Variants in STIM2 observed in about 807,000 individuals in gnomAD.
The protein encoded by STIM2 is stromal interaction molecule 2.
A neutral mutation model predicts 85.8 loss-of-function variants in STIM2; 31 were observed. The ratio of observed to expected loss-of-function variants is 0.36; its 90% confidence interval spans 0.27 to 0.49. STIM2 has a LOEUF of 0.49. Ranked by LOEUF, STIM2 falls within the 20% of genes least tolerant of loss-of-function variation. The pLI is 0.98. For synonymous variants in STIM2, 356 were observed against 331.1 expected (o/e 1.08, Z -0.82); for missense variants, 841 against 927.6 (o/e 0.91, Z 1.21).
At chr4:27,010,516 A>T (rs979959859) in intron 10 of STIM2, among the ~76,000 whole-genome samples, 1 of 152,184 alleles carries the variant, frequency 6.6e-6, no homozygotes, top group Non-Finnish European at 1.5e-5. Flanking sequence ...AAAGATTACA[A>T]TTTGAGAGCT....
chr4:26,988,591 G>C (rs1278627678), intron 3 of STIM2, among the ~76,000 whole-genome samples: 1 of 152,146 alleles, frequency 6.6e-6, no homozygotes, highest in Non-Finnish European at 1.5e-5. Context: ...AACAACTCTA[G>C]AAACAGGTTT....
chr4:26,887,622 T>C (rs1723307991), intron 1 of STIM2, among the ~76,000 whole-genome samples: 1 of 152,212 alleles, frequency 6.6e-6, no homozygotes, highest in South Asian at 2.1e-4. Context: ...AAAGAGTGGC[T>C]ATTTTTTCTC....
rs77672993 is a variant in STIM2, at chr4:26,901,990, C to T, written c.152-17514C>T. Among the ~76,000 whole-genome samples the T allele has an allele frequency of 5.8e-3, 890 of 152,234 alleles. 17 individuals are homozygous for T. The highest frequency in any genetic ancestry group is 0.02 in the African/African-American group (846 of 41,538). ...ATGGCTTTATAGAGTGAATCAATGG[C>T]GAAGTGATTCTTCAGGGATCACAGT... On this transcript the variant is annotated intron_variant, in intron 1 of 11. Transcript: ENST00000467087.
rs150222188 is a variant in STIM2 at position 27,017,823 on chromosome 4, C to T, written c.1602C>T (p.His534=). ...CTCAGCGAGCTCAGCTTGCTCCACA[C>T]GCCCCCCACCCGTCACACCCTCGGC... Residue 534 remains histidine, a synonymous_variant, in exon 11 of 12, where the codon CAC becomes CAT. Coordinates refer to ENST00000467087, the MANE Select transcript of STIM2 (RefSeq NM_020860.4). 5.9e-5 allele frequency: 95 copies of T among 1,614,146 alleles called. No individual in the cohort carries two copies. In the African/African-American group the frequency reaches 9.5e-4, roughly 16 times the overall value.
In STIM2 at chr4:26,962,559, AGTGTGTGTGTGTGTGTGTGT is replaced by A. The variant is rs34301656; in HGVS notation, c.397+4856_397+4875del. On this transcript the variant is annotated intron_variant, in intron 3 of 11. Coordinates refer to ENST00000467087, the MANE Select transcript of STIM2 (RefSeq NM_020860.4). ...AGAATTTCAGCAATGACTTTAATGC[AGTGTGTGTGTGTGTGTGTGT>A]GTGTGTGTGTGTGTGTGTGTGTATG... 9.1e-5 allele frequency among the ~76,000 whole-genome samples: 13 copies of A among 142,720 alleles called. No homozygotes were observed. In the South Asian group the frequency reaches 2.1e-3, roughly 23 times the overall value. 93.6% of individuals were successfully genotyped at this position (142,720 alleles called of 152,430 possible). A position where few individuals can be genotyped will look rare whatever the true frequency, so the allele number is the denominator to read the frequency against.
intron 1 of STIM2, among the ~76,000 whole-genome samples, chr4:26,911,623 G>C (rs75479595): frequency 5.3e-5 from 8 of 152,140 alleles, no homozygotes; most frequent in African/African-American, 1.9e-4. Context: ...ATTATCTAGA[G>C]TCTTCTTCCT....
chr4:26,960,724 C>T (rs1033563624), intron 3 of STIM2, among the ~76,000 whole-genome samples: 12 of 152,136 alleles, frequency 7.9e-5, no homozygotes, highest in African/African-American at 2.9e-4. Context: ...GGAGATTACT[C>T]AAAACCTGTA....
chr4:26,981,511 G>A (rs1246936667), intron 3 of STIM2, among the ~76,000 whole-genome samples: 2 of 151,994 alleles, frequency 1.3e-5, no homozygotes, highest in Non-Finnish European at 2.9e-5. Flanking sequence ...AAAGTTGCAG[G>A]ACCAGAGCAA....
At chr4:27,007,470 A>C (rs1220929078) in intron 7 of STIM2, 63 bp from the exon 8 acceptor site, 4 of 1,252,698 alleles carry the variant, frequency 3.2e-6, no homozygotes, top group Non-Finnish European at 4.2e-6. Flanking sequence ...GGGTTCTAAA[A>C]AATATTTTAA....
At chr4:26,942,255 TG>T (rs559080943) in intron 2 of STIM2, among the ~76,000 whole-genome samples, 8 of 152,304 alleles carry the variant, frequency 5.3e-5, no homozygotes, top group African/African-American at 1.9e-4. Flanking sequence ...TCTTTACCTG[TG>T]TACTTGATCT....
At chr4:26,862,344 A>G (rs1179755458) in intron 1 of STIM2, among the ~76,000 whole-genome samples, 1 of 144,836 alleles carries the variant, frequency 6.9e-6, no homozygotes, top group Admixed American at 6.9e-5. Flanking sequence ...TTAGTATTTC[A>G]CTTATTTTTA....
chr4:26,973,874 A>G (rs1338641685), intron 3 of STIM2, among the ~76,000 whole-genome samples: 6 of 152,176 alleles, frequency 3.9e-5, no homozygotes, highest in African/African-American at 1.4e-4. Context: ...TGGGAGTCTA[A>G]GTCTCTTTGT....
In STIM2 at chr4:26,860,969, C is replaced by T. The variant is rs779940631; in HGVS notation, c.-250C>T. The T allele has an allele frequency of 1.6e-5, 20 of 1,268,834 alleles. No homozygotes were observed. Among genetic ancestry groups the T allele is most frequent in the South Asian group, 2.9e-5 (2 of 69,072 alleles). 78.6% of individuals were successfully genotyped at this position (1,268,834 alleles called of 1,614,324 possible). On this transcript the variant is annotated 5_prime_UTR_variant, in exon 1 of 12. Transcript: ENST00000467087. Reference sequence around the variant, plus strand: ...AATAACCGGAACCAATGAACGCAGCCGGGATCAGAGCTCCGGAGGCCGCCG... The same window carrying T: ...AATAACCGGAACCAATGAACGCAGCTGGGATCAGAGCTCCGGAGGCCGCCG...
intron 11 of STIM2, 113 bp from the exon 12 acceptor site, chr4:27,022,406 T>C: frequency 1.2e-6 from 1 of 839,014 alleles, no homozygotes; most frequent in Admixed American, 2.7e-5. Context: ...ATCATATCAT[T>C]TCCCTCTTTT....
intron 1 of STIM2, among the ~76,000 whole-genome samples, chr4:26,881,853 A>G (rs1723027476): frequency 6.6e-6 from 1 of 152,166 alleles, no homozygotes; most frequent in Non-Finnish European, 1.5e-5. Context: ...TGTTGTAGAC[A>G]TTTATTTGCC....
intron 1 of STIM2, among the ~76,000 whole-genome samples, chr4:26,864,504 T>A (rs549344303): frequency 2.6e-5 from 4 of 152,112 alleles, no homozygotes; most frequent in Non-Finnish European, 4.4e-5. Flanking sequence ...AACAAAAAAA[T>A]GCCGAATAAT....
chr4:26,880,084 G>C (rs1248780915), intron 1 of STIM2, among the ~76,000 whole-genome samples: 1 of 152,192 alleles, frequency 6.6e-6, no homozygotes, highest in Non-Finnish European at 1.5e-5. Flanking sequence ...TGATAGAATA[G>C]AAACCTTTTA....
At chr4:26,944,547 T>C (rs981437032) in intron 2 of STIM2, among the ~76,000 whole-genome samples, 3 of 152,172 alleles carry the variant, frequency 2.0e-5, no homozygotes, top group Non-Finnish European at 4.4e-5. Context: ...TGGTGTTTTA[T>C]CTCAATGCAA....
intron 2 of STIM2, 104 bp from the exon 3 acceptor site, chr4:26,957,508 G>C (rs1726291533): frequency 1.6e-6 from 1 of 616,682 alleles, no homozygotes; most frequent in Non-Finnish European, 2.6e-6. Flanking sequence ...GCCAGTTACT[G>C]TTTGAAAATA....
Sources: allele counts gnomAD v4.1 joint callset (sites outside exome capture counted in the v4.1 genomes callset), GRCh38; gene constraint gnomAD v4.1.1; transcripts MANE v1.5; gene names NCBI Gene and HGNC (gene_info 2026-07-23, HGNC 2026-07-21).